GPR137B: variants seen among roughly 807,000 people sequenced by gnomAD.
GPR137B encodes integral membrane protein GPR137B.
In GPR137B, 42 loss-of-function variants were observed where a neutral mutation model predicts 42.5. That is an observed-to-expected ratio of 0.99 (90% CI 0.77 to 1.28). GPR137B has a LOEUF of 1.28. GPR137B is among the 50% of genes most tolerant of loss of function. GPR137B has a pLI of 0.00. For missense variants in GPR137B, 487 were observed against 493.9 expected, an observed-to-expected ratio of 0.99 and a Z score of 0.13; for synonymous variants, 218 against 209.7, an observed-to-expected ratio of 1.04 and a Z score of -0.34.
At chr1:236,194,101 T>A (rs914827731) in intron 5 of GPR137B, among the ~76,000 whole-genome samples, 1 of 152,212 alleles carries the variant, frequency 6.6e-6, no homozygotes, top group Non-Finnish European at 1.5e-5. Context: ...TCTCTCAAGA[T>A]GTATAGAGCA....
chr1:236,168,601 C>G (rs1662433492), intron 1 of GPR137B, 105 bp from the exon 2 acceptor site: 2 of 820,728 alleles, frequency 2.4e-6, no homozygotes, highest in Non-Finnish European at 2.2e-6. Flanking sequence ...AAAAAACGTG[C>G]CCAGCGCTGG....
chr1:236,205,918 C>T (rs79798071), intron 6 of GPR137B, among the ~76,000 whole-genome samples: 1,625 of 152,318 alleles, frequency 0.011, 31 homozygotes, highest in African/African-American at 0.03. Context: ...GAGGGAAATA[C>T]AGCACTTGTC....
At chr1:236,173,751 G>A (rs1180676543) in intron 2 of GPR137B, among the ~76,000 whole-genome samples, 2 of 140,154 alleles carry the variant, frequency 1.4e-5, no homozygotes, top group East Asian at 2.1e-4. Flanking sequence ...TGGGGGCAGT[G>A]TACAAAATTC....
intron 5 of GPR137B, among the ~76,000 whole-genome samples, chr1:236,192,301 CCT>C (rs1663210757): frequency 6.6e-6 from 1 of 152,004 alleles, no homozygotes; most frequent in African/African-American, 2.4e-5. Context: ...TACTTGGCTC[CCT>C]GGCTTCAGCC....
chr1:236,171,675 C>T lies in GPR137B; in HGVS notation c.464+2920C>T, dbSNP rs1397437039. ...CAGGCTGCGCTGACATGTATGGCTGCATTTTATTGGGAAGGGATTCACAGA... is the reference window on the plus strand; with the variant it reads ...CAGGCTGCGCTGACATGTATGGCTGTATTTTATTGGGAAGGGATTCACAGA... On this transcript the variant is annotated intron_variant, in intron 2 of 6. Coordinates refer to ENST00000366592, the MANE Select transcript of GPR137B (RefSeq NM_003272.4). The surrounding 1 kb of genome is among the most constrained non-coding windows in gnomAD (Gnocchi z 4.4). Among the ~76,000 whole-genome samples the T allele has an allele frequency of 1.3e-5, 2 of 152,126 alleles. No homozygotes were observed. Among genetic ancestry groups the T allele is most frequent in the African/African-American group, 4.8e-5 (2 of 41,412 alleles).
At chr1:236,167,745 C>T (rs1360040918) in intron 1 of GPR137B, among the ~76,000 whole-genome samples, 1 of 152,174 alleles carries the variant, frequency 6.6e-6, no homozygotes, top group Non-Finnish European at 1.5e-5. Context: ...CCAGAGACCC[C>T]CCACTGAGAT....
rs1403843202 is a variant in GPR137B at position 236,142,700 on chromosome 1, C to A, written c.78C>A (p.Asn26Lys). The part of the protein sequence containing the change: ...METPPWDPAR[N>K]DSLPPTLTPA... ...CCCCGCCGTGGGACCCAGCCCGCAA[C>A]GACTCGCTGCCGCCCACGCTGACCC... The change falls in exon 1 of 7, where the codon AAC (asparagine) becomes AAA (lysine). Residue 26 changes from asparagine (N) to lysine (K), a missense_variant. By Grantham distance (94) the Asn-to-Lys change is moderately conservative. Coordinates refer to ENST00000366592, the MANE Select transcript of GPR137B (RefSeq NM_003272.4). 17 of 1,592,538 alleles carry A rather than the reference C, an allele frequency of 1.1e-5. No homozygotes were observed. The highest frequency in any genetic ancestry group is 1.4e-5 in the Non-Finnish European group (17 of 1,173,554).
chr1:236,205,743 G>A (rs1054047607), intron 6 of GPR137B, among the ~76,000 whole-genome samples: 8 of 152,160 alleles, frequency 5.3e-5, no homozygotes, highest in Admixed American at 4.6e-4. Flanking sequence ...GTTTTGCCAC[G>A]TTGGCCAGGC....
rs369271144 is a variant in GPR137B, at chr1:236,143,446, G to T, written c.414+410G>T. Among the ~76,000 whole-genome samples, 11 of 152,384 alleles carry T rather than the reference G, an allele frequency of 7.2e-5. No individual in the cohort carries two copies. In the East Asian group the frequency reaches 9.6e-4, roughly 13 times the overall value. On this transcript the variant is annotated intron_variant, in intron 1 of 6. Coordinates refer to ENST00000366592, the MANE Select transcript of GPR137B (RefSeq NM_003272.4). ...CTGCCTCCCCAGGCACCTAACTCCCGGCCTGGAAAGGTCTTCTGCACGTTG... is the reference window on the plus strand; with the variant it reads ...CTGCCTCCCCAGGCACCTAACTCCCTGCCTGGAAAGGTCTTCTGCACGTTG...
chr1:236,182,763 A>T (rs909162725), intron 4 of GPR137B, among the ~76,000 whole-genome samples: 4 of 151,916 alleles, frequency 2.6e-5, no homozygotes, highest in Non-Finnish European at 5.9e-5. Flanking sequence ...TATATATATA[A>T]AATTTATAAT....
intron 5 of GPR137B, among the ~76,000 whole-genome samples, chr1:236,192,953 G>A (rs1663236550): frequency 1.3e-5 from 2 of 152,028 alleles, no homozygotes; most frequent in South Asian, 4.2e-4. Context: ...GGAGTGGAGT[G>A]GGGTGATCTC....
At chr1:236,148,299 C>G (rs973924859) in intron 1 of GPR137B, among the ~76,000 whole-genome samples, 2 of 152,200 alleles carry the variant, frequency 1.3e-5, no homozygotes, top group African/African-American at 2.4e-5. Context: ...GGTCTGTGCC[C>G]TGCAGGGGCA....
chr1:236,151,804 T>A (rs1173078626), intron 1 of GPR137B, among the ~76,000 whole-genome samples: 1 of 152,172 alleles, frequency 6.6e-6, no homozygotes, highest in Non-Finnish European at 1.5e-5. Context: ...AAAACCCCCA[T>A]ACACGGTGGG....
intron 5 of GPR137B, among the ~76,000 whole-genome samples, chr1:236,188,216 T>C (rs1350419770): frequency 6.6e-6 from 1 of 152,210 alleles, no homozygotes. Flanking sequence ...CTTAAGGAGA[T>C]TTTGGGCTGA....
intron 1 of GPR137B, among the ~76,000 whole-genome samples, chr1:236,164,780 A>AT (rs1015592740): frequency 2.6e-5 from 4 of 152,202 alleles, no homozygotes; most frequent in African/African-American, 9.7e-5. Flanking sequence ...TCAGTTTCAC[A>AT]TGCCAGGAAT....
At chr1:236,184,145 C>T (rs535801991) in intron 5 of GPR137B, among the ~76,000 whole-genome samples, 2 of 152,186 alleles carry the variant, frequency 1.3e-5, no homozygotes, top group African/African-American at 4.8e-5. Context: ...ATCTTAAGGC[C>T]TGGGGAAAGT....
At chr1:236,145,006 C>T (rs1397319991) in intron 1 of GPR137B, among the ~76,000 whole-genome samples, 1 of 152,238 alleles carries the variant, frequency 6.6e-6, no homozygotes, top group African/African-American at 2.4e-5. Context: ...CACTCCGGCC[C>T]AGGGGCCCAA....
intron 1 of GPR137B, among the ~76,000 whole-genome samples, chr1:236,167,980 C>G (rs1662408988): frequency 6.6e-6 from 1 of 152,234 alleles, no homozygotes; most frequent in Non-Finnish European, 1.5e-5. Flanking sequence ...ATTTCTGTTT[C>G]AGAAAACAGT....
intron 1 of GPR137B, among the ~76,000 whole-genome samples, chr1:236,149,983 T>G (rs1041086425): frequency 4.6e-5 from 7 of 151,064 alleles, no homozygotes; most frequent in East Asian, 3.9e-4. Context: ...TGTGTGTGTG[T>G]GGGGTTTGTG....
Sources: allele counts gnomAD v4.1 joint callset (sites outside exome capture counted in the v4.1 genomes callset), GRCh38; gene constraint gnomAD v4.1.1; non-coding constraint Gnocchi (gnomAD v3.1); transcripts MANE v1.5; gene names NCBI Gene and HGNC (gene_info 2026-07-23, HGNC 2026-07-21).